The following MS4A3 variants were observed in gnomAD, a reference collection of about 807,000 sequenced individuals.
The protein encoded by MS4A3 is membrane-spanning 4-domains subfamily A member 3.
In MS4A3, 18 loss-of-function variants were observed where a neutral mutation model predicts 24.7. The observed-to-expected ratio is 0.73, with a 90% CI of 0.50 to 1.08. The LOEUF (loss-of-function observed/expected upper bound fraction) is 1.08. Ranked by LOEUF, MS4A3 falls within the 50% of genes least tolerant of loss-of-function variation. MS4A3 has a pLI of 0.00. For synonymous variants in MS4A3, 84 were observed against 95.3 expected (o/e 0.88, Z 0.69); for missense variants, 282 against 251.7 (o/e 1.12, Z -0.82).
intron 4 of MS4A3, among the ~76,000 whole-genome samples, chr11:60,065,649 G>T (rs996415549): frequency 1.3e-5 from 2 of 152,166 alleles, no homozygotes; most frequent in Admixed American, 6.5e-5. Flanking sequence ...GTCAACTCTT[G>T]TTCCTCATCT....
At chr11:60,059,802 T>C (rs1471191613) in intron 1 of MS4A3, among the ~76,000 whole-genome samples, 1 of 152,234 alleles carries the variant, frequency 6.6e-6, no homozygotes, top group Non-Finnish European at 1.5e-5. Flanking sequence ...TTTAGGTTGA[T>C]TCTATGTCTT....
intron 1 of MS4A3, among the ~76,000 whole-genome samples, chr11:60,059,354 T>C (rs1855233113): frequency 6.6e-6 from 1 of 152,136 alleles, no homozygotes. Context: ...GTATATAATT[T>C]GTAACAAAGA....
At chr11:60,059,911 T>C (rs1226343142) in intron 1 of MS4A3, among the ~76,000 whole-genome samples, 1 of 152,316 alleles carries the variant, frequency 6.6e-6, no homozygotes, top group African/African-American at 2.4e-5. Flanking sequence ...TCGATAGTTA[T>C]GGCAGAATAC....
Position 60,069,612 on chromosome 11 carries a change from A to C in MS4A3, c.552A>C (p.Glu184Asp). ...VSLLLILTLL[E>D]LCVTISTIAM... ...TACTGCTGATTCTCACCTTGCTGGA[A>C]TTATGCGTAACCATCTCTACCATAG... Residue 184 changes from glutamate (E) to aspartate (D), a missense_variant, in exon 6 of 7, where the codon GAA becomes GAC. Coordinates refer to ENST00000278865, the MANE Select transcript of MS4A3 (RefSeq NM_006138.5). 6.2e-7 allele frequency: 1 copy of C among 1,613,642 alleles called. No homozygotes were observed. The highest frequency in any genetic ancestry group is 8.5e-7 in the Non-Finnish European group (1 of 1,179,686).
At chr11:60,067,478 G>A (rs943976686) in intron 5 of MS4A3, among the ~76,000 whole-genome samples, 3 of 151,976 alleles carry the variant, frequency 2.0e-5, no homozygotes, top group Non-Finnish European at 4.4e-5. Flanking sequence ...GCCTCCCAAA[G>A]TGCTGGGATA....
chr11:60,067,264 G>A, intron 5 of MS4A3, 152 bp downstream of exon 5: 1 of 652,222 alleles, frequency 1.5e-6, no homozygotes, highest in Non-Finnish European at 2.4e-6. Context: ...CCAGGCTGGA[G>A]TACAGTGGAG....
intron 4 of MS4A3, 93 bp downstream of exon 4, chr11:60,064,411 G>T (rs947062675): frequency 2.4e-6 from 2 of 841,220 alleles, no homozygotes; most frequent in Non-Finnish European, 3.7e-6. Flanking sequence ...ATACAACTGA[G>T]ACACTGAGTA....
chr11:60,062,230 C>A (rs1160295168), intron 2 of MS4A3, among the ~76,000 whole-genome samples: 1 of 152,012 alleles, frequency 6.6e-6, no homozygotes, highest in Non-Finnish European at 1.5e-5. Context: ...GAGAGGAGTT[C>A]GTGAGAATGA....
rs148459457 is a variant in MS4A3, at chr11:60,059,510, T to C, written c.-15-1636T>C. The stretch of plus-strand genomic sequence containing the variant: ...GTCACCCAGGTACTAAGCCTAGTAC[T>C]CAATAGTTATTTTTCCCGATCTCCT... On this transcript the variant is annotated intron_variant, in intron 1 of 6. Coordinates refer to ENST00000278865, the MANE Select transcript of MS4A3 (RefSeq NM_006138.5). Among the ~76,000 whole-genome samples, 716 of 152,238 alleles carry C rather than the reference T, an allele frequency of 4.7e-3. 8 individuals carry two copies. Among genetic ancestry groups the C allele is most frequent in the African/African-American group, 0.016 (677 of 41,538 alleles).
intron 1 of MS4A3, among the ~76,000 whole-genome samples, chr11:60,058,280 G>A (rs1174956658): frequency 1.3e-5 from 2 of 151,774 alleles, no homozygotes; most frequent in African/African-American, 4.8e-5. Context: ...GGCTGAGGTG[G>A]GTGGATCACC....
chr11:60,058,069 C>T (rs1855200155), intron 1 of MS4A3, among the ~76,000 whole-genome samples: 1 of 152,086 alleles, frequency 6.6e-6, no homozygotes, highest in Non-Finnish European at 1.5e-5. Context: ...GACAAGTATC[C>T]AGGCAATTAA....
At chr11:60,063,462 G>C (rs1275020602) in intron 3 of MS4A3, among the ~76,000 whole-genome samples, 1 of 152,076 alleles carries the variant, frequency 6.6e-6, no homozygotes, top group African/African-American at 2.4e-5. Context: ...ATCTTCTTTT[G>C]AGAATTGTCT....
chr11:60,062,554 C>T lies in MS4A3; in HGVS notation c.243C>T (p.His81=). Residue 81 remains histidine, a synonymous_variant, in exon 3 of 7, where the codon CAC becomes CAT. Transcript: ENST00000278865. ...SLQYPYHFQK[H]FFFFTFYTGY... ...AATACCCATACCACTTCCAAAAGCA[C>T]TTCTTTTTCTTCACCTTCTACACAG... is the stretch of plus-strand genomic sequence containing the variant. 6.2e-7 allele frequency: 1 copy of T among 1,614,058 alleles called. No homozygotes were observed. The highest frequency in any genetic ancestry group is 8.5e-7 in the Non-Finnish European group (1 of 1,179,998).
chr11:60,061,744 A>C lies in MS4A3; in HGVS notation c.156+428A>C, dbSNP rs143002077. 3.4e-3 allele frequency among the ~76,000 whole-genome samples: 511 copies of C among 152,342 alleles called. 4 individuals are homozygous for C. The highest frequency in any genetic ancestry group is 0.012 in the African/African-American group (487 of 41,580). On this transcript the variant is annotated intron_variant, in intron 2 of 6. Coordinates refer to ENST00000278865, the MANE Select transcript of MS4A3 (RefSeq NM_006138.5). ...ATAAGTTTTACGTGGATTTACCACC[A>C]TGAAAGGGTGGGCATTCCAAACCCC...
intron 1 of MS4A3, chr11:60,060,828 G>A (rs1436034940): frequency 2.3e-5 from 4 of 172,870 alleles, no homozygotes; most frequent in South Asian, 1.9e-4. Flanking sequence ...GAAACCATAT[G>A]TCTGGTTGCC....
chr11:60,060,956 T>A (rs907317953), intron 1 of MS4A3, 190 bp from the exon 2 acceptor site: 8 of 432,758 alleles, frequency 1.8e-5, no homozygotes, highest in African/African-American at 1.4e-4. Context: ...AATGACCCGA[T>A]GATGTCTACT....
chr11:60,066,881 C>T, intron 4 of MS4A3, 70 bp from the exon 5 acceptor site: 1 of 1,209,322 alleles, frequency 8.3e-7, no homozygotes, highest in Non-Finnish European at 1.1e-6. Flanking sequence ...ATGTTTGTTT[C>T]AATGAATTGT....
chr11:60,062,842 G>C (rs939546118), intron 3 of MS4A3, among the ~76,000 whole-genome samples: 2 of 152,056 alleles, frequency 1.3e-5, no homozygotes, highest in Non-Finnish European at 2.9e-5. Flanking sequence ...CCAGGCTGGA[G>C]TGCAGTGGCA....
chr11:60,071,017 T>C lies in MS4A3; in HGVS notation c.*784T>C, dbSNP rs1385360277. On this transcript the variant is annotated 3_prime_UTR_variant, in exon 7 of 7. Transcript: ENST00000278865. ...TGGGCAAATTATCTAATCTCTCTGATCTATTTTTCCTCATCTGTAAAATAG... is the reference window on the plus strand; with the variant it reads ...TGGGCAAATTATCTAATCTCTCTGACCTATTTTTCCTCATCTGTAAAATAG... The C allele has an allele frequency of 6.6e-6, 1 of 152,240 alleles. No homozygotes were observed. Among genetic ancestry groups the C allele is most frequent in the Non-Finnish European group, 1.5e-5 (1 of 68,046 alleles). The allele number at this position is 152,240 out of a possible 1,614,324, so 9.4% of individuals were successfully genotyped here.
Sources: gnomAD v4.1 joint callset for allele counts (sites outside exome capture counted in the v4.1 genomes callset) on GRCh38, gnomAD v4.1.1 for gene constraint, MANE v1.5 for transcripts, NCBI Gene and HGNC (gene_info 2026-07-23, HGNC 2026-07-21) for gene names.